Variants in MMP26 observed in about 807,000 individuals in gnomAD.
MMP26 encodes matrix metalloproteinase-26.
Under a neutral mutation model 31.0 loss-of-function variants are expected in MMP26, and 33 were observed. That is an observed-to-expected ratio of 1.06 (90% confidence interval 0.81 to 1.42). The LOEUF is 1.42. Ranked by LOEUF, MMP26 falls within the 40% of genes most tolerant of loss-of-function variation. The probability of loss-of-function intolerance (pLI) is 0.00; values close to 1 mark genes in which losing one functional copy is unlikely to be tolerated. For missense variants in MMP26, 347 were observed against 316.1 expected (o/e 1.10, Z -0.74); for synonymous variants, 122 against 114.9 (o/e 1.06, Z -0.40).
intron 2 of MMP26, among the ~76,000 whole-genome samples, chr11:4,899,473 G>C (rs978929948): frequency 9.9e-5 from 15 of 152,104 alleles, no homozygotes; most frequent in Admixed American, 3.3e-4. Flanking sequence ...TTATTGCATA[G>C]GTTTCTTTCA....
chr11:4,869,322 A>G (rs573845065), intron 2 of MMP26, among the ~76,000 whole-genome samples: 2 of 152,358 alleles, frequency 1.3e-5, no homozygotes, highest in African/African-American at 2.4e-5. Context: ...TACCCATCTG[A>G]CAAAGGGCTA....
chr11:4,875,760 A>G (rs1850370716), intron 2 of MMP26: 1 of 152,124 alleles, frequency 6.6e-6, no homozygotes, highest in Admixed American at 6.6e-5. Flanking sequence ...TTCCCTTTTG[A>G]CATGCAAAGT....
intron 2 of MMP26, chr11:4,945,525 G>A (rs905098669): frequency 2.6e-5 from 4 of 153,976 alleles, no homozygotes; most frequent in African/African-American, 9.7e-5. Context: ...TTTGCCTATA[G>A]ATTACTCTTG....
rs1194074123 is a variant in MMP26 at position 4,986,932 on chromosome 11, CCTCTCT to C, written c.-144-1114_-144-1109del. 1.2e-4 allele frequency among the ~76,000 whole-genome samples: 7 copies of C among 60,448 alleles called. No homozygotes were observed. In the East Asian group the frequency reaches 2.3e-3, roughly 20 times the overall value. The allele number at this position is 60,448 out of a possible 152,430, so 39.7% of individuals were successfully genotyped here. A position where few individuals can be genotyped will look rare whatever the true frequency, so the allele number is the denominator to read the frequency against. On this transcript the variant is annotated intron_variant, in intron 2 of 7. Coordinates refer to ENST00000380390, the MANE Select transcript of MMP26 (RefSeq NM_021801.5). ...CTCTCTCTCTCTCTCTCTCTCTCTCCCTCTCTCTCTCTCTCTCTCTCTCTCTCCCTC... is the reference window on the plus strand; with the variant it reads ...CTCTCTCTCTCTCTCTCTCTCTCTCCCTCTCTCTCTCTCTCTCTCTCCCTC...
chr11:4,856,832 C>T (rs1212183314), intron 2 of MMP26, among the ~76,000 whole-genome samples: 1 of 152,188 alleles, frequency 6.6e-6, no homozygotes, highest in Non-Finnish European at 1.5e-5. Context: ...GTAAAGCACT[C>T]CTCAGCAAAT....
chr11:4,808,974 G>T (rs989031458), intron 2 of MMP26, among the ~76,000 whole-genome samples: 1 of 151,422 alleles, frequency 6.6e-6, no homozygotes, highest in Admixed American at 6.6e-5. Flanking sequence ...ATGCTTCAAG[G>T]CATGTGGAGT....
chr11:4,903,086 C>G (rs1361903850), intron 2 of MMP26, among the ~76,000 whole-genome samples: 1 of 151,968 alleles, frequency 6.6e-6, no homozygotes, highest in Admixed American at 6.6e-5. Context: ...ATTGTCTTCA[C>G]ATTTTTATAT....
At chr11:4,986,640 C>T (rs1294941519) in intron 2 of MMP26, among the ~76,000 whole-genome samples, 1 of 148,720 alleles carries the variant, frequency 6.7e-6, no homozygotes, top group Non-Finnish European at 1.5e-5. Context: ...AAGTGATTCT[C>T]CTGCCTCAGC....
chr11:4,745,742 C>A (rs1490882051), intron 1 of MMP26, among the ~76,000 whole-genome samples: 1 of 152,164 alleles, frequency 6.6e-6, no homozygotes, highest in Non-Finnish European at 1.5e-5. Flanking sequence ...CCTAAAAAGT[C>A]CTCTGTGCTC....
intron 2 of MMP26, among the ~76,000 whole-genome samples, chr11:4,806,043 A>G (rs986408371): frequency 1.3e-5 from 2 of 149,380 alleles, no homozygotes; most frequent in East Asian, 2.0e-4. Context: ...CATTCACTAG[A>G]AAAAAAAAAA....
At chr11:4,764,541 A>G (rs1251019712) in intron 1 of MMP26, among the ~76,000 whole-genome samples, 1 of 152,178 alleles carries the variant, frequency 6.6e-6, no homozygotes, top group African/African-American at 2.4e-5. Context: ...TTAACATTAT[A>G]TTTCAAAATA....
At chr11:4,765,919 CA>C (rs1311371110) in intron 1 of MMP26, among the ~76,000 whole-genome samples, 8 of 152,154 alleles carry the variant, frequency 5.3e-5, no homozygotes, top group Non-Finnish European at 4.4e-5. Context: ...ATCATTTTTC[CA>C]ATATGCTGAA....
chr11:4,968,495 T>C (rs1846624878), intron 2 of MMP26, among the ~76,000 whole-genome samples: 1 of 149,344 alleles, frequency 6.7e-6, no homozygotes, highest in Non-Finnish European at 1.5e-5. Flanking sequence ...AAAAAAAGAG[T>C]TATTTTAAAA....
rs186113686 is a variant in MMP26 at position 4,812,064 on chromosome 11, G to A, written c.-145+44723G>A. 1.1e-3 allele frequency among the ~76,000 whole-genome samples: 175 copies of A among 152,228 alleles called. 1 individual carries two copies. Among genetic ancestry groups the A allele is most frequent in the African/African-American group, 3.7e-3 (153 of 41,552 alleles). On this transcript the variant is annotated intron_variant, in intron 2 of 7. Coordinates refer to ENST00000380390, the MANE Select transcript of MMP26 (RefSeq NM_021801.5). ...TGAGAGCCCAATAAAGGTTGGTTAC[G>A]ATAAACTTATAGTCACGCCAATCTG...
At chr11:4,784,501 A>C (rs535613596) in intron 2 of MMP26, among the ~76,000 whole-genome samples, 14 of 152,344 alleles carry the variant, frequency 9.2e-5, no homozygotes, top group African/African-American at 3.1e-4. Flanking sequence ...GGTGAGTCCT[A>C]AATCCAATGA....
intron 2 of MMP26, among the ~76,000 whole-genome samples, chr11:4,916,131 A>T (rs1293173372): frequency 6.7e-6 from 1 of 149,834 alleles, no homozygotes; most frequent in Non-Finnish European, 1.5e-5. Context: ...ATCCTGGCTA[A>T]CACAGTGAAA....
At chr11:4,959,502 A>G (rs549901318) in intron 2 of MMP26, among the ~76,000 whole-genome samples, 1 of 152,050 alleles carries the variant, frequency 6.6e-6, no homozygotes, top group African/African-American at 2.4e-5. Context: ...CTGCTAGGCT[A>G]TACACACTTT....
intron 2 of MMP26, among the ~76,000 whole-genome samples, chr11:4,935,576 C>A (rs1329315921): frequency 6.6e-6 from 1 of 151,976 alleles, no homozygotes; most frequent in Non-Finnish European, 1.5e-5. Context: ...ATTTCCTTCT[C>A]CTGCCTAATT....
chr11:4,902,709 C>G (rs1460801739), intron 2 of MMP26, among the ~76,000 whole-genome samples: 1 of 152,126 alleles, frequency 6.6e-6, no homozygotes, highest in Non-Finnish European at 1.5e-5. Context: ...GCTAGAATAG[C>G]CCAATGACAT....
Sources: allele counts gnomAD v4.1 joint callset (sites outside exome capture counted in the v4.1 genomes callset), GRCh38; gene constraint gnomAD v4.1.1; transcripts MANE v1.5; gene names NCBI Gene and HGNC (gene_info 2026-07-23, HGNC 2026-07-21).